Variants in DCDC2 observed in about 807,000 individuals in gnomAD.
The protein encoded by DCDC2 is doublecortin domain containing 2.
A neutral mutation model predicts 50.2 loss-of-function variants in DCDC2; 40 were observed. That is an observed-to-expected ratio of 0.80 (90% confidence interval 0.62 to 1.04). DCDC2 has a LOEUF of 1.04. Ranked by LOEUF, DCDC2 falls within the 50% of genes least tolerant of loss-of-function variation. The probability of loss-of-function intolerance (pLI) is 0.00; values close to 1 mark genes in which losing one functional copy is unlikely to be tolerated. For missense variants in DCDC2, 570 were observed against 581.9 expected (o/e 0.98, Z 0.21); for synonymous variants, 234 against 210.6 (o/e 1.11, Z -0.96).
chr6:24,339,927 G>C (rs1420489754), intron 2 of DCDC2, among the ~76,000 whole-genome samples: 1 of 152,206 alleles, frequency 6.6e-6, no homozygotes, highest in Non-Finnish European at 1.5e-5. Flanking sequence ...AATTCCTAAA[G>C]AGATGGAAAA....
At chr6:24,372,480 G>A in the DCDC2 span, among the ~76,000 whole-genome samples, 2 of 151,662 alleles carry the variant, frequency 1.3e-5, no homozygotes, top group African/African-American at 2.4e-5. Context: ...TGTTTATAGC[G>A]GCACTATTCA....
chr6:24,193,607 A>G (rs2113752781), intron 8 of DCDC2, among the ~76,000 whole-genome samples: 1 of 152,324 alleles, frequency 6.6e-6, no homozygotes, highest in East Asian at 1.9e-4. Context: ...AGGGTTACCC[A>G]AGAAAGGAAA....
chr6:24,201,045 C>G (rs1250656377), intron 8 of DCDC2, among the ~76,000 whole-genome samples: 2 of 152,050 alleles, frequency 1.3e-5, no homozygotes, highest in Non-Finnish European at 2.9e-5. Flanking sequence ...GACTCCCACA[C>G]AAAATTAGTG....
At chr6:24,307,751 A>C (rs140721256) in intron 2 of DCDC2, among the ~76,000 whole-genome samples, 1 of 151,640 alleles carries the variant, frequency 6.6e-6, no homozygotes, top group African/African-American at 2.4e-5. Context: ...AGATTTTTTA[A>C]AGAATCATTC....
chr6:24,199,738 C>T (rs1434274489), intron 8 of DCDC2, among the ~76,000 whole-genome samples: 1 of 152,082 alleles, frequency 6.6e-6, no homozygotes, highest in Non-Finnish European at 1.5e-5. Context: ...CATGTTCTAA[C>T]CCAATGCAAG....
intron 2 of DCDC2, among the ~76,000 whole-genome samples, chr6:24,346,029 A>G (rs62400452): frequency 0.073 from 11,053 of 151,862 alleles, 410 homozygotes; most frequent in African/African-American, 0.096. Context: ...TAATACAAAA[A>G]TTAGCCAGGC....
chr6:24,304,056 T>C (rs766362949), intron 2 of DCDC2, among the ~76,000 whole-genome samples: 14 of 152,238 alleles, frequency 9.2e-5, no homozygotes, highest in Non-Finnish European at 1.8e-4. Flanking sequence ...CAATAAATGT[T>C]TGTTAAAATG....
At chr6:24,326,267 G>A (rs1226876884) in intron 2 of DCDC2, among the ~76,000 whole-genome samples, 1 of 148,238 alleles carries the variant, frequency 6.7e-6, no homozygotes, top group Non-Finnish European at 1.5e-5. Flanking sequence ...CATTTCATCG[G>A]GATACCTACC....
intron 2 of DCDC2, among the ~76,000 whole-genome samples, chr6:24,310,889 C>A (rs902658288): frequency 6.6e-6 from 1 of 152,008 alleles, no homozygotes; most frequent in East Asian, 1.9e-4. Context: ...CAGAGCTCTC[C>A]CCACTCAAAA....
rs76935492 is a variant in DCDC2, at chr6:24,190,283, T to C, written c.1024-11651A>G. Among the ~76,000 whole-genome samples, 345 of 152,242 alleles carry C rather than the reference T, an allele frequency of 2.3e-3. 9 individuals carry two copies. The East Asian group carries it at 0.061, about 27-fold the overall frequency. On this transcript the variant is annotated intron_variant, in intron 8 of 9. Transcript: ENST00000378454. ...ATGATAAACTGAAAACATACTTAGA[T>C]GGCATGAATATATTTAATCATCAAT...
intron 7 of DCDC2, among the ~76,000 whole-genome samples, chr6:24,263,555 T>C (rs2113807857): frequency 6.6e-6 from 1 of 152,250 alleles, no homozygotes. Flanking sequence ...AAATCAAGCA[T>C]AAATTCTAGA....
At chr6:24,358,936 T>TA (rs1561788593), upstream of DCDC2, among the ~76,000 whole-genome samples, 5 of 16,994 alleles carry the variant, frequency 2.9e-4, no homozygotes, top group African/African-American at 1.2e-3. Context: ...TATTATATAT[T>TA]TTATATATTA....
intron 2 of DCDC2, among the ~76,000 whole-genome samples, chr6:24,334,951 G>A (rs757845851): frequency 6.6e-6 from 1 of 152,078 alleles, no homozygotes; most frequent in Non-Finnish European, 1.5e-5. Context: ...ACAAGAGGGC[G>A]GCACAGCAAA....
At chr6:24,233,996 C>A (rs1002311748) in intron 7 of DCDC2, among the ~76,000 whole-genome samples, 4 of 152,184 alleles carry the variant, frequency 2.6e-5, no homozygotes, top group African/African-American at 9.7e-5. Flanking sequence ...CTGCCTTTAA[C>A]TAGCTCATGA....
chr6:24,358,974 T>TATATTA (rs1760567299), upstream of DCDC2, among the ~76,000 whole-genome samples: 2 of 47,810 alleles, frequency 4.2e-5, no homozygotes, highest in Non-Finnish European at 6.6e-5. Context: ...ATTATATATT[T>TATATTA]TATACATTAT....
intron 2 of DCDC2, among the ~76,000 whole-genome samples, chr6:24,314,794 G>A (rs952795394): frequency 2.6e-5 from 4 of 151,778 alleles, no homozygotes; most frequent in African/African-American, 7.3e-5. Context: ...AAAAAAGTCC[G>A]GAAGATCAGA....
At chr6:24,229,105 A>G (rs1022321204) in intron 7 of DCDC2, among the ~76,000 whole-genome samples, 6 of 152,204 alleles carry the variant, frequency 3.9e-5, no homozygotes, top group African/African-American at 9.7e-5. Context: ...AAGTTACCAC[A>G]GACTTGGTGG....
the DCDC2 span, among the ~76,000 whole-genome samples, chr6:24,367,991 G>A: frequency 6.6e-6 from 1 of 152,012 alleles, no homozygotes; most frequent in Non-Finnish European, 1.5e-5. Flanking sequence ...AGAATCTCTA[G>A]AATTGAAAAA....
At chr6:24,218,000 C>T (rs983331573) in intron 7 of DCDC2, among the ~76,000 whole-genome samples, 1 of 152,152 alleles carries the variant, frequency 6.6e-6, no homozygotes, top group East Asian at 1.9e-4. Context: ...TATCATGTTC[C>T]AAATTTTATT....
Sources: allele counts gnomAD v4.1 joint callset (sites outside exome capture counted in the v4.1 genomes callset), GRCh38; gene constraint gnomAD v4.1.1; transcripts MANE v1.5; gene names NCBI Gene and HGNC (gene_info 2026-07-23, HGNC 2026-07-21).